LILRB1: variants seen among roughly 807,000 people sequenced by gnomAD.
LILRB1 encodes the protein leukocyte immunoglobulin like receptor B1, also known as leukocyte immunoglobulin-like receptor subfamily B member 1.
In LILRB1, 59 loss-of-function variants were observed where a neutral mutation model predicts 74.6. The ratio of observed to expected loss-of-function variants is 0.79; its 90% CI spans 0.64 to 0.98. LILRB1 has a LOEUF of 0.98. LILRB1 is among the 50% of genes least tolerant of loss of function. LILRB1 has a pLI of 0.00. For synonymous variants in LILRB1, 328 were observed against 333.9 expected (o/e 0.98, Z 0.19); for missense variants, 804 against 822.6 (o/e 0.98, Z 0.28).
chr19:54,625,826 A>C (rs1600328575), upstream of LILRB1, among the ~76,000 whole-genome samples: 1 of 134,186 alleles, frequency 7.5e-6, no homozygotes, highest in Admixed American at 7.8e-5. Context: ...TCACTCACTC[A>C]CCCCTTCCCC....
intron 1 of LILRB1, among the ~76,000 whole-genome samples, chr19:54,623,862 C>T (rs945237700): frequency 1.4e-4 from 21 of 152,168 alleles, no homozygotes; most frequent in Non-Finnish European, 2.2e-4. Flanking sequence ...CCCCCGGCCC[C>T]GCAGGGAGGG....
chr19:54,625,966 C>T (rs894327545), upstream of LILRB1, among the ~76,000 whole-genome samples: 2 of 152,012 alleles, frequency 1.3e-5, no homozygotes, highest in African/African-American at 4.8e-5. Flanking sequence ...CTCTCACTCA[C>T]TCACCCCTTC....
Position 54,631,626 on chromosome 19 carries a change from C to T in LILRB1, c.197C>T (p.Thr66Ile). The T allele has an allele frequency of 2.5e-6, 4 of 1,614,292 alleles. No homozygotes were observed. Among genetic ancestry groups the T allele is most frequent in the Non-Finnish European group, 3.4e-6 (4 of 1,180,048 alleles). ...QEYRLYREKK[T>I]APWITRIPQE... Reference sequence around the variant, plus strand: ...TACCGTCTATATAGAGAAAAGAAAACAGCACCCTGGATTACACGGATCCCA... The same window carrying T: ...TACCGTCTATATAGAGAAAAGAAAATAGCACCCTGGATTACACGGATCCCA... The change falls in exon 4 of 15, where the codon ACA becomes ATA. Residue 66 changes from threonine to isoleucine, a missense_variant. By Grantham distance (89) the Thr-to-Ile change is moderately conservative. Transcript: ENST00000324602.
At chr19:54,624,874 G>A (rs1360500082) in intron 1 of LILRB1, among the ~76,000 whole-genome samples, 2 of 151,364 alleles carry the variant, frequency 1.3e-5, no homozygotes, top group Non-Finnish European at 3.0e-5. Context: ...CTCTCAGAAG[G>A]GCTGGGGGCT....
chr19:54,624,650 G>C (rs559276906), intron 1 of LILRB1, among the ~76,000 whole-genome samples: 44 of 152,158 alleles, frequency 2.9e-4, no homozygotes, highest in Non-Finnish European at 5.9e-4. Flanking sequence ...AGGGCAGGTA[G>C]TTCCCGGATC....
chr19:54,620,459 C>T (rs1201152284), intron 1 of LILRB1, among the ~76,000 whole-genome samples: 4 of 151,918 alleles, frequency 2.6e-5, no homozygotes, highest in Admixed American at 6.6e-5. Context: ...CCCAGGTTCA[C>T]GCCCACATTC....
rs1435934362 is a variant in LILRB1 at position 54,637,637 on chromosome 19, G to A, written c.*759G>A. On this transcript the variant is annotated 3_prime_UTR_variant, in exon 15 of 15. Coordinates refer to ENST00000324602, the MANE Select transcript of LILRB1 (RefSeq NM_001081637.3). ...GGGAATAATAACAATAATAAGAGGAGTTGTTCATGAGGAAAAACCAAAGCT... is the reference window on the plus strand; with the variant it reads ...GGGAATAATAACAATAATAAGAGGAATTGTTCATGAGGAAAAACCAAAGCT... 1 of 151,742 alleles carries A rather than the reference G, an allele frequency of 6.6e-6. No individual in the cohort carries two copies. The highest frequency in any genetic ancestry group is 2.4e-5 in the African/African-American group (1 of 41,288). The allele number at this position is 151,742 out of a possible 1,614,324, so 9.4% of individuals were successfully genotyped here. A position where few individuals can be genotyped will look rare whatever the true frequency, so the allele number is the denominator to read the frequency against.
intron 7 of LILRB1, 115 bp from the exon 8 acceptor site, chr19:54,633,523 G>A (rs147765519): frequency 0.034 from 41,682 of 1,217,794 alleles, 933 homozygotes; most frequent in Non-Finnish European, 0.041. Context: ...GACAGGAGAG[G>A]CGGGTGGAGG....
Position 54,633,669 on chromosome 19 carries a change from A to G in LILRB1, c.1293A>G (p.Thr431=), listed in dbSNP as rs763230026. ...GPSGGPSSPT[T]GPTSTSAGPE... ...CTGGGGGCCCCAGCTCCCCGACAACAGGCCCCACCTCCACATCTGGTGAGT... is the reference window on the plus strand; with the variant it reads ...CTGGGGGCCCCAGCTCCCCGACAACGGGCCCCACCTCCACATCTGGTGAGT... The change falls in exon 8 of 15, where the codon ACA becomes ACG. Residue 431 remains threonine (T), a synonymous_variant. Transcript: ENST00000324602. The G allele has an allele frequency of 6.2e-7, 1 of 1,613,504 alleles. No individual in the cohort carries two copies.
At chr19:54,629,145 G>C (rs571880572), upstream of LILRB1, among the ~76,000 whole-genome samples, 1 of 152,214 alleles carries the variant, frequency 6.6e-6, no homozygotes, top group African/African-American at 2.4e-5. Flanking sequence ...TCAACCAAAC[G>C]GGGGTCAAAA....
At chr19:54,617,588 TG>T (rs1279434878) in intron 1 of LILRB1, among the ~76,000 whole-genome samples, 44 of 121,876 alleles carry the variant, frequency 3.6e-4, no homozygotes, top group Non-Finnish European at 5.5e-4. Flanking sequence ...TGTGTGTGTG[TG>T]GTGTGTGTGT....
At position 54,633,642 on chromosome 19, in the gene LILRB1, G is replaced by C. The variant is rs2114511; in HGVS notation, c.1266G>C (p.Pro422=). ...TCCTCTCATTCTTTTACCCAGGACC[G>C]TCTGGGGGCCCCAGCTCCCCGACAA... is the stretch of plus-strand genomic sequence containing the variant. The part of the protein sequence containing the change: ...SDPLELVVSG[P]SGGPSSPTTG... Residue 422 remains proline (P), a synonymous_variant, in exon 8 of 15, where the codon CCG becomes CCC. Coordinates refer to ENST00000324602, the MANE Select transcript of LILRB1 (RefSeq NM_001081637.3). 97,620 of 1,612,540 alleles carry C rather than the reference G, an allele frequency of 0.061. 4,272 individuals carry two copies. Among genetic ancestry groups the C allele is most frequent in the African/African-American group, 0.22 (16,732 of 74,828 alleles).
Position 54,632,696 on chromosome 19 carries a change from C to A in LILRB1, c.894C>A (p.Tyr298Ter). The A allele has an allele frequency of 6.2e-7, 1 of 1,612,990 alleles. No homozygotes were observed. Among genetic ancestry groups the A allele is most frequent in the Non-Finnish European group, 8.5e-7 (1 of 1,179,982 alleles). The change falls in exon 6 of 15, where the codon TAC becomes TAA. Residue 298 changes from tyrosine to a stop codon, truncating the protein, a stop_gained. Transcript: ENST00000324602. LOFTEE classifies it high-confidence loss of function. ...CCTACGGGGGCCAGTACAGATGCTACGGTGCACACAACCTCTCCTCCGAGT... is the reference window on the plus strand; with the variant it reads ...CCTACGGGGGCCAGTACAGATGCTAAGGTGCACACAACCTCTCCTCCGAGT... Reference protein sequence around the residue: ...SRSYGGQYRCYGAHNLSSEWS... With the variant: ...SRSYGGQYRC
At chr19:54,630,926 G>A in intron 1 of LILRB1, 100 bp from the exon 2 acceptor site, 1 of 1,594,438 alleles carries the variant, frequency 6.3e-7, no homozygotes, top group Non-Finnish European at 8.6e-7. Context: ...CCTGGGGAGG[G>A]CAGTTCCACT....
At position 54,630,503 on chromosome 19, in the gene LILRB1, A is replaced by T; in HGVS notation, c.-179A>T. On this transcript the variant is annotated 5_prime_UTR_variant, in exon 1 of 15. Transcript: ENST00000324602. ...TTCCCTGCATTTCTCTTCTGTGCTCACTGCCACACGCAGCTCAGCCTGGGC... is the reference window on the plus strand; with the variant it reads ...TTCCCTGCATTTCTCTTCTGTGCTCTCTGCCACACGCAGCTCAGCCTGGGC... 1 of 456,698 alleles carries T rather than the reference A, an allele frequency of 2.2e-6. No homozygotes were observed. Among genetic ancestry groups the T allele is most frequent in the Non-Finnish European group, 4.4e-6 (1 of 229,308 alleles). 28.3% of individuals were successfully genotyped at this position (456,698 alleles called of 1,614,324 possible). A position where few individuals can be genotyped will look rare whatever the true frequency, so the allele number is the denominator to read the frequency against.
At chr19:54,616,782 G>A (rs1010821036), upstream of LILRB1, among the ~76,000 whole-genome samples, 5 of 151,664 alleles carry the variant, frequency 3.3e-5, no homozygotes, top group African/African-American at 4.8e-5. Flanking sequence ...ATAGGGAAAC[G>A]AGAGACTGTG....
chr19:54,626,471 C>T (rs950865075), upstream of LILRB1, among the ~76,000 whole-genome samples: 6 of 152,146 alleles, frequency 3.9e-5, no homozygotes, highest in African/African-American at 1.4e-4. Flanking sequence ...TACCTGTTTC[C>T]TCTTCTCATT....
At position 54,631,267 on chromosome 19, in the gene LILRB1, C is replaced by T. The variant is rs886485180; in HGVS notation, c.35-4C>T. 7 of 1,613,566 alleles carry T rather than the reference C, an allele frequency of 4.3e-6. No individual in the cohort carries two copies. The African/African-American group carries it at 9.3e-5, about 22-fold the overall frequency. ...CAAATCCCTCACCGGGAACTCTCTT[C>T]CAGGGCTGAGTCTGGGCCCCCGGAC... On this transcript the variant is annotated splice_region_variant and splice_polypyrimidine_tract_variant and intron_variant, in intron 2 of 14. Transcript: ENST00000324602.
chr19:54,619,741 A>G (rs1026315769), intron 1 of LILRB1, among the ~76,000 whole-genome samples: 6 of 152,076 alleles, frequency 3.9e-5, no homozygotes, highest in African/African-American at 1.4e-4. Context: ...CTGTATCTTC[A>G]TATGTGTTAT....
Sources: gnomAD v4.1 joint callset for allele counts (sites outside exome capture counted in the v4.1 genomes callset) on GRCh38, gnomAD v4.1.1 for gene constraint, MANE v1.5 for transcripts, NCBI Gene and HGNC (gene_info 2026-07-23, HGNC 2026-07-21) for gene names.